CFAP99: variants seen among roughly 807,000 people sequenced by gnomAD.
CFAP99 encodes cilia and flagella associated protein 99.
CFAP99 carries 84 observed loss-of-function variants against 82.7 expected under a neutral mutation model. The observed-to-expected ratio is 1.02, with a 90% confidence interval of 0.85 to 1.22. The LOEUF (loss-of-function observed/expected upper bound fraction) is 1.22, where lower values mean the gene tolerates loss of function less well. Among genes scored for constraint, CFAP99 ranks in the 50% most tolerant of loss-of-function variants. The pLI is 0.00. For missense variants in CFAP99, 1,059 were observed against 983.5 expected, an observed-to-expected ratio of 1.08 and a Z score of -1.03; for synonymous variants, 456 against 429.5, an observed-to-expected ratio of 1.06 and a Z score of -0.76.
chr4:2,426,263 G>A (rs1425937200), intron 1 of CFAP99, among the ~76,000 whole-genome samples, 196 bp from the exon 2 acceptor site: 1 of 151,972 alleles, frequency 6.6e-6, no homozygotes, highest in African/African-American at 2.4e-5. Context: ...GCACCTTGGG[G>A]TACCTGCCAG....
chr4:2,436,667 G>A (rs1285966441), intron 2 of CFAP99, among the ~76,000 whole-genome samples: 1 of 152,168 alleles, frequency 6.6e-6, no homozygotes, highest in East Asian at 1.9e-4. Flanking sequence ...TTCTGTCTTT[G>A]CCCTGACCTC....
chr4:2,434,187 T>C (rs1214882263), intron 2 of CFAP99, among the ~76,000 whole-genome samples: 3 of 152,144 alleles, frequency 2.0e-5, no homozygotes, highest in Non-Finnish European at 4.4e-5. Context: ...TCCGCCCCAG[T>C]ATCCGGGAAA....
chr4:2,430,020 C>G (rs1301931047), intron 2 of CFAP99, among the ~76,000 whole-genome samples: 1 of 152,240 alleles, frequency 6.6e-6, no homozygotes, highest in East Asian at 1.9e-4. Context: ...TTTTGCTAGG[C>G]CAAGGCTCAA....
rs981779331 is a variant in CFAP99 at position 2,448,315 on chromosome 4, A to G, written c.643-1355A>G. ...CACAGCCCCTGCCTGGGCCCTCACCATGTCCTCCCATGCTCTATAGCTGTG... is the reference window on the plus strand; with the variant it reads ...CACAGCCCCTGCCTGGGCCCTCACCGTGTCCTCCCATGCTCTATAGCTGTG... On this transcript the variant is annotated intron_variant, in intron 6 of 14. Transcript: ENST00000635017. This position sits in a 1 kb window ranked among gnomAD's most constrained non-coding sequence, Gnocchi z 5.2. Among the ~76,000 whole-genome samples the G allele has an allele frequency of 6.6e-6, 1 of 152,108 alleles. No individual in the cohort carries two copies. Among genetic ancestry groups the G allele is most frequent in the African/African-American group, 2.4e-5 (1 of 41,412 alleles).
chr4:2,460,026 C>T lies in CFAP99; in HGVS notation c.1456-11C>T. 6.5e-7 allele frequency: 1 copy of T among 1,535,498 alleles called. No homozygotes were observed. The highest frequency in any genetic ancestry group is 8.7e-7 in the Non-Finnish European group (1 of 1,146,782). Reference sequence around the variant, plus strand: ...AGCTCCCAGCTTGGGGCCTCCCCTACCACCCCACAGATCCCCGGCTACGGC... The same window carrying T: ...AGCTCCCAGCTTGGGGCCTCCCCTATCACCCCACAGATCCCCGGCTACGGC... On this transcript the variant is annotated splice_polypyrimidine_tract_variant and intron_variant, in intron 13 of 14. Coordinates refer to ENST00000635017, the Ensembl canonical transcript of CFAP99.
intron 11 of CFAP99, among the ~76,000 whole-genome samples, chr4:2,454,281 A>C (rs993499499): frequency 2.0e-5 from 3 of 151,982 alleles, no homozygotes; most frequent in Admixed American, 1.3e-4. Context: ...GATTACAGGC[A>C]TGAGCCACCG....
chr4:2,429,366 T>C (rs1035154924), intron 2 of CFAP99: 19 of 152,244 alleles, frequency 1.2e-4, no homozygotes, highest in African/African-American at 4.6e-4. Flanking sequence ...CCACAGATTA[T>C]TAGTGGTAGA....
chr4:2,430,850 A>T (rs1031963772), intron 2 of CFAP99, among the ~76,000 whole-genome samples: 2 of 151,838 alleles, frequency 1.3e-5, no homozygotes, highest in Admixed American at 1.3e-4. Context: ...AGGTAGGAGG[A>T]TTGCTTGAGG....
exon 3 of CFAP99, chr4:2,436,985 C>G: frequency 6.5e-7 from 1 of 1,536,068 alleles, no homozygotes; most frequent in Non-Finnish European, 8.7e-7. Context: ...GGATGGCCGA[C>G]TCTGCCTGCG....
At chr4:2,429,758 A>AT (rs1239940858) in intron 2 of CFAP99, among the ~76,000 whole-genome samples, 2 of 151,890 alleles carry the variant, frequency 1.3e-5, no homozygotes, top group East Asian at 1.9e-4. Flanking sequence ...CGCCCAGCTA[A>AT]TTTTTTGTAT....
At chr4:2,420,794 C>A (rs976142774) in intron 1 of CFAP99, among the ~76,000 whole-genome samples, 1 of 152,180 alleles carries the variant, frequency 6.6e-6, no homozygotes, top group Non-Finnish European at 1.5e-5. Context: ...CTGCCATTCA[C>A]GTTTCTTCAT....
chr4:2,460,186 C>A (rs1734585875), exon 14 of CFAP99: 1 of 1,536,014 alleles, frequency 6.5e-7, no homozygotes, highest in South Asian at 1.2e-5. Context: ...AACTGCAGAA[C>A]ATGGTGGAGC....
At chr4:2,443,072 G>A in intron 4 of CFAP99, 58 bp from the exon 5 acceptor site, 1 of 989,762 alleles carries the variant, frequency 1.0e-6, no homozygotes, top group Non-Finnish European at 1.5e-6. Flanking sequence ...TGGGGACTTT[G>A]CCCGGTGAGG....
In CFAP99 at chr4:2,448,777, A is replaced by G. The variant is rs894546031; in HGVS notation, c.643-893A>G. ...AGGCGGGGTACCGGTCTGGTCACACATCCACTGGAGGGAGCAGAGACAGGA... is the reference window on the plus strand; with the variant it reads ...AGGCGGGGTACCGGTCTGGTCACACGTCCACTGGAGGGAGCAGAGACAGGA... On this transcript the variant is annotated intron_variant, in intron 6 of 14. Coordinates refer to ENST00000635017, the Ensembl canonical transcript of CFAP99. The surrounding 1 kb of genome is among the most constrained non-coding windows in gnomAD (Gnocchi z 5.2). Among the ~76,000 whole-genome samples the G allele has an allele frequency of 6.6e-5, 10 of 152,240 alleles. No individual in the cohort carries two copies. The highest frequency in any genetic ancestry group is 5.9e-4 in the Admixed American group (9 of 15,290).
chr4:2,436,819 G>A (rs1247116277), intron 2 of CFAP99, 55 bp from the exon 3 acceptor site: 18 of 972,420 alleles, frequency 1.9e-5, no homozygotes, highest in Middle Eastern at 3.2e-4. Context: ...CACCCCCACC[G>A]CCGCCCTTTC....
intron 11 of CFAP99, among the ~76,000 whole-genome samples, chr4:2,454,594 G>GGTTTTTTTTTTGT (rs1560388808): frequency 1.2e-5 from 1 of 84,538 alleles, no homozygotes; most frequent in Non-Finnish European, 2.5e-5. Flanking sequence ...TTTTTTTTTT[G>GGTTTTTTTTTTGT]TTTTTTTTTT....
At chr4:2,461,021 G>T (rs1734609500) in intron 14 of CFAP99, among the ~76,000 whole-genome samples, 1 of 152,232 alleles carries the variant, frequency 6.6e-6, no homozygotes, top group Admixed American at 6.5e-5. Flanking sequence ...ACAGGTGTGA[G>T]CCCAGCCTGG....
intron 2 of CFAP99, among the ~76,000 whole-genome samples, chr4:2,431,906 T>C (rs886536584): frequency 1.1e-4 from 17 of 152,180 alleles, no homozygotes; most frequent in Non-Finnish European, 2.2e-4. Flanking sequence ...ATAATCATCG[T>C]TTCTCTTGTT....
At position 2,462,481 on chromosome 4, in the gene CFAP99, C is replaced by T. The variant is rs1472452749; in HGVS notation, c.1700C>T (p.Ala567Val). The T allele has an allele frequency of 6.1e-6, 9 of 1,471,552 alleles. No homozygotes were observed. The East Asian group carries it at 8.9e-5, about 15-fold the overall frequency. The allele number at this position is 1,471,552 out of a possible 1,614,324, so 91.2% of individuals were successfully genotyped here. Residue 567 changes from alanine to valine, a missense_variant, in exon 15 of 15, where the codon GCG (alanine) becomes GTG (valine). Physicochemically the swap from Ala to Val is moderately conservative, Grantham distance 64. Transcript: ENST00000635017. The surrounding 1 kb of genome is among the most constrained non-coding windows in gnomAD (Gnocchi z 4.1). Reference sequence around the variant, plus strand: ...AAGGCCCTTGCGGCGGCCCCGGCGGCGCCCTCGCAGGACGAGCGCGTGCAG... The same window carrying T: ...AAGGCCCTTGCGGCGGCCCCGGCGGTGCCCTCGCAGGACGAGCGCGTGCAG...
Sources: allele counts gnomAD v4.1 joint callset (sites outside exome capture counted in the v4.1 genomes callset), GRCh38; gene constraint gnomAD v4.1.1; non-coding constraint Gnocchi (gnomAD v3.1); transcripts MANE v1.5; gene names NCBI Gene and HGNC (gene_info 2026-07-23, HGNC 2026-07-21).